The following DLG2 variants were observed in gnomAD, a reference collection of about 807,000 sequenced individuals.
The protein encoded by DLG2 is disks large homolog 2.
In DLG2, 45 loss-of-function variants were observed where a neutral mutation model predicts 132.5. The ratio of observed to expected loss-of-function variants is 0.34; its 90% CI spans 0.27 to 0.44. The LOEUF is 0.44. Ranked by LOEUF, DLG2 falls within the 20% of genes least tolerant of loss-of-function variation. The probability of loss-of-function intolerance (pLI) is 1.00; values close to 1 mark genes in which losing one functional copy is unlikely to be tolerated. For synonymous variants in DLG2, 424 were observed against 419.6 expected (o/e 1.01, Z -0.13); for missense variants, 1,045 against 1,196.9 (o/e 0.87, Z 1.87).
At chr11:83,703,868 A>G (rs1403407578) in intron 18 of DLG2, among the ~76,000 whole-genome samples, 1 of 152,214 alleles carries the variant, frequency 6.6e-6, no homozygotes, top group African/African-American at 2.4e-5. Context: ...CTAAGTCAAC[A>G]GTGTCACTTC....
In DLG2 at chr11:83,825,130, T is replaced by C. The variant is rs371666844; in HGVS notation, c.1722+8484A>G. Among the ~76,000 whole-genome samples the C allele has an allele frequency of 6.6e-3, 587 of 89,206 alleles. 5 individuals are homozygous for C. The highest frequency in any genetic ancestry group is 0.042 in the East Asian group (129 of 3,106). 58.5% of individuals were successfully genotyped at this position (89,206 alleles called of 152,430 possible). ...ATAGACATATATATACACATATATA[T>C]ATACACACACACACACACACACATA... On this transcript the variant is annotated intron_variant, in intron 17 of 27. Transcript: ENST00000376104.
intron 9 of DLG2, among the ~76,000 whole-genome samples, chr11:84,105,703 TA>T (rs971836562): frequency 6.6e-6 from 1 of 152,066 alleles, no homozygotes; most frequent in African/African-American, 2.4e-5. Context: ...AACAGCTAGA[TA>T]AAAAAAGACT....
intron 3 of DLG2, among the ~76,000 whole-genome samples, chr11:85,511,695 T>C (rs1328374079): frequency 6.6e-6 from 1 of 151,278 alleles, no homozygotes; most frequent in African/African-American, 2.4e-5. Flanking sequence ...AATAAGGATT[T>C]TCCAACACAC....
intron 19 of DLG2, among the ~76,000 whole-genome samples, chr11:83,585,569 G>A (rs1386377671): frequency 6.6e-6 from 1 of 152,190 alleles, no homozygotes; most frequent in African/African-American, 2.4e-5. Context: ...TGTGACGTAG[G>A]ATTTGGGACT....
At chr11:85,243,919 C>G (rs1249504159) in intron 4 of DLG2, among the ~76,000 whole-genome samples, 4 of 151,894 alleles carry the variant, frequency 2.6e-5, no homozygotes, top group African/African-American at 9.7e-5. Context: ...TGGTCAATTT[C>G]CTAACCATTT....
intron 5 of DLG2, among the ~76,000 whole-genome samples, chr11:85,138,175 G>A (rs2076244551): frequency 6.6e-6 from 1 of 152,070 alleles, no homozygotes; most frequent in Non-Finnish European, 1.5e-5. Flanking sequence ...TTTCTCATGT[G>A]AGTTGGAACA....
rs926540321 is a variant in DLG2, at chr11:85,303,744, C to T, written c.41-18379G>A. Among the ~76,000 whole-genome samples the T allele has an allele frequency of 3.3e-5, 5 of 152,314 alleles. 1 individual carries two copies. The South Asian group carries it at 6.2e-4, about 19-fold the overall frequency. ...GTCCCAATTGCCATTAACTAGCTAT[C>T]TGGCCTTATAAACTTCACATCAACT... On this transcript the variant is annotated intron_variant, in intron 3 of 27. Coordinates refer to ENST00000376104, the MANE Select transcript of DLG2 (RefSeq NM_001142699.3).
At chr11:84,550,115 TACACACACACACACACACAC>T (rs60598747) in intron 6 of DLG2, among the ~76,000 whole-genome samples, 1 of 145,840 alleles carries the variant, frequency 6.9e-6, no homozygotes, top group Non-Finnish European at 1.5e-5. Context: ...AACGAGCCTA[TACACACACACACACACACAC>T]ACACACACAC....
intron 18 of DLG2, among the ~76,000 whole-genome samples, chr11:83,783,285 C>T (rs2094911358): frequency 6.6e-6 from 1 of 152,080 alleles, no homozygotes; most frequent in Non-Finnish European, 1.5e-5. Context: ...TCATTTTAAG[C>T]AGAAGTGAGT....
intron 19 of DLG2, among the ~76,000 whole-genome samples, chr11:83,574,939 G>A (rs1280101230): frequency 6.6e-6 from 1 of 152,164 alleles, no homozygotes; most frequent in Non-Finnish European, 1.5e-5. Flanking sequence ...CAACCACTGT[G>A]TATGCCAGAA....
At chr11:85,052,877 T>C (rs1332645556) in intron 6 of DLG2, among the ~76,000 whole-genome samples, 2 of 152,180 alleles carry the variant, frequency 1.3e-5, no homozygotes, top group Non-Finnish European at 2.9e-5. Flanking sequence ...CATTGTATAG[T>C]TCTGTGTTTA....
chr11:84,182,952 T>C lies in DLG2; in HGVS notation c.574-19441A>G, dbSNP rs188452775. On this transcript the variant is annotated intron_variant, in intron 8 of 27. Coordinates refer to ENST00000376104, the MANE Select transcript of DLG2 (RefSeq NM_001142699.3). ...TCATTAAAAGGATAATAAGAGAATA[T>C]ACTGAATAACTTTATGCTGGCAAAT... Among the ~76,000 whole-genome samples the C allele has an allele frequency of 2.2e-3, 334 of 152,228 alleles. 1 individual carries two copies. Among genetic ancestry groups the C allele is most frequent in the African/African-American group, 7.7e-3 (321 of 41,548 alleles).
intron 18 of DLG2, among the ~76,000 whole-genome samples, chr11:83,758,747 T>C (rs1405901404): frequency 6.6e-6 from 1 of 152,198 alleles, no homozygotes; most frequent in Non-Finnish European, 1.5e-5. Context: ...AATAATTAAA[T>C]ACCACAGTTT....
intron 6 of DLG2, among the ~76,000 whole-genome samples, chr11:84,616,608 C>T (rs1390497295): frequency 2.6e-5 from 4 of 151,842 alleles, no homozygotes; most frequent in Non-Finnish European, 5.9e-5. Flanking sequence ...ATCAGAAAAC[C>T]CACAATATAG....
chr11:83,700,280 C>A (rs569228141), intron 18 of DLG2, among the ~76,000 whole-genome samples: 1 of 152,002 alleles, frequency 6.6e-6, no homozygotes, highest in Non-Finnish European at 1.5e-5. Context: ...TGGGAAGGAG[C>A]CCTTCCTTGG....
At chr11:83,494,839 T>C (rs759233984) in intron 21 of DLG2, among the ~76,000 whole-genome samples, 4 of 152,096 alleles carry the variant, frequency 2.6e-5, no homozygotes, top group Non-Finnish European at 4.4e-5. Context: ...GAAAATCTCA[T>C]CAAATCTGAG....
chr11:85,339,715 C>A (rs1248364018), intron 3 of DLG2, among the ~76,000 whole-genome samples: 2 of 152,100 alleles, frequency 1.3e-5, no homozygotes, highest in African/African-American at 2.4e-5. Flanking sequence ...GTCTTTAAGA[C>A]TTCTTTGTAT....
intron 18 of DLG2, among the ~76,000 whole-genome samples, chr11:83,698,055 A>G (rs1592649593): frequency 6.6e-6 from 1 of 152,228 alleles, no homozygotes. Flanking sequence ...ACAAACTTGG[A>G]TAAGTCATTG....
intron 6 of DLG2, among the ~76,000 whole-genome samples, chr11:84,859,159 T>C (rs1469745809): frequency 6.6e-6 from 1 of 151,620 alleles, no homozygotes; most frequent in Non-Finnish European, 1.5e-5. Flanking sequence ...TAAATAAATG[T>C]TTCTTCACTT....
Sources: allele counts gnomAD v4.1 joint callset (sites outside exome capture counted in the v4.1 genomes callset), GRCh38; gene constraint gnomAD v4.1.1; transcripts MANE v1.5; gene names NCBI Gene and HGNC (gene_info 2026-07-23, HGNC 2026-07-21).